The following GABRB3 variants were observed in gnomAD, a reference collection of about 807,000 sequenced individuals.
GABRB3 encodes gamma-aminobutyric acid type A receptor subunit beta3.
A neutral mutation model predicts 52.1 loss-of-function variants in GABRB3; 14 were observed. That is an observed-to-expected ratio of 0.27 (90% CI 0.18 to 0.42). GABRB3 has a LOEUF of 0.42. GABRB3 is among the 10% of genes least tolerant of loss of function. GABRB3 has a pLI of 1.00. For synonymous variants in GABRB3, 260 were observed against 232.3 expected (o/e 1.12, Z -1.08); for missense variants, 307 against 609.1 (o/e 0.50, Z 5.22).
intron 3 of GABRB3, among the ~76,000 whole-genome samples, chr15:26,765,314 C>T (rs1052365892): frequency 6.6e-6 from 1 of 152,132 alleles, no homozygotes; most frequent in East Asian, 1.9e-4. Flanking sequence ...CTTCTTTCTG[C>T]TTTGAAATTA....
intron 3 of GABRB3, among the ~76,000 whole-genome samples, chr15:26,720,575 T>C (rs1889617387): frequency 6.6e-6 from 1 of 152,090 alleles, no homozygotes; most frequent in Non-Finnish European, 1.5e-5. Flanking sequence ...TCTCTTCCCC[T>C]CTCCCCACCA....
At chr15:26,627,369 G>GTTTTTTTTTTTTTTTTTTTTTTTTTTTT (rs1595495364) in intron 3 of GABRB3, among the ~76,000 whole-genome samples, 1 of 147,082 alleles carries the variant, frequency 6.8e-6, no homozygotes, top group African/African-American at 2.5e-5. Context: ...TGACTTTCAA[G>GTTTTTTTTTTTTTTTTTTTTTTTTTTTT]TTTTATTATT....
Position 26,554,176 on chromosome 15 carries a change from G to GTATATATATATATATATATATATATATA in GABRB3, c.1081-6043_1081-6042insTATATATATATATATATATATATATATA, listed in dbSNP as rs71130258. Among the ~76,000 whole-genome samples, 56 of 27,330 alleles carry GTATATATATATATATATATATATATATA rather than the reference G, an allele frequency of 2.0e-3. 1 individual carries two copies. Among genetic ancestry groups the GTATATATATATATATATATATATATATA allele is most frequent in the South Asian group, 5.0e-3 (3 of 606 alleles). The allele number at this position is 27,330 out of a possible 152,430, so 17.9% of individuals were successfully genotyped here. ...TATATATAAAGTATATATATATAAA[G>GTATATATATATATATATATATATATATA]TATATATATATATACTATATATATA... On this transcript the variant is annotated intron_variant, in intron 8 of 8. Coordinates refer to ENST00000311550, the MANE Select transcript of GABRB3 (RefSeq NM_000814.6).
At chr15:26,683,726 C>CG (rs1442550297) in intron 3 of GABRB3, among the ~76,000 whole-genome samples, 10 of 151,808 alleles carry the variant, frequency 6.6e-5, no homozygotes, top group Non-Finnish European at 1.5e-4. Context: ...GGGGCAGGGT[C>CG]GGGGGGAACA....
intron 3 of GABRB3, among the ~76,000 whole-genome samples, chr15:26,643,170 T>C (rs977916679): frequency 4.6e-5 from 7 of 152,164 alleles, no homozygotes; most frequent in Non-Finnish European, 8.8e-5. Context: ...GATTTTATGT[T>C]TCTCCACAAC....
intron 3 of GABRB3, among the ~76,000 whole-genome samples, chr15:26,677,052 G>C (rs1391974232): frequency 6.6e-6 from 1 of 152,168 alleles, no homozygotes; most frequent in Non-Finnish European, 1.5e-5. Flanking sequence ...GATTGAAATG[G>C]TAGCACATGG....
chr15:26,741,123 T>C (rs1167840115), intron 3 of GABRB3, among the ~76,000 whole-genome samples: 1 of 151,832 alleles, frequency 6.6e-6, no homozygotes, highest in African/African-American at 2.4e-5. Context: ...AAAAAATTCC[T>C]ATATGGACTT....
rs1273516978 is a variant in GABRB3 at position 26,544,030 on chromosome 15, T to C, written c.*3763A>G. 1 of 152,554 alleles carries C rather than the reference T, an allele frequency of 6.6e-6. No homozygotes were observed. The highest frequency in any genetic ancestry group is 1.9e-4 in the East Asian group (1 of 5,202). 9.5% of individuals were successfully genotyped at this position (152,554 alleles called of 1,614,324 possible). A position where few individuals can be genotyped will look rare whatever the true frequency, so the allele number is the denominator to read the frequency against. ...ACCTGGGCAGTTCTTTGCCCCAAGA[T>C]TCGATGTTACTCTAATGGCTCACAC... On this transcript the variant is annotated 3_prime_UTR_variant, in exon 9 of 9. Coordinates refer to ENST00000311550, the MANE Select transcript of GABRB3 (RefSeq NM_000814.6).
At chr15:26,761,220 C>G (rs1160651399) in intron 3 of GABRB3, among the ~76,000 whole-genome samples, 2 of 152,080 alleles carry the variant, frequency 1.3e-5, no homozygotes, top group Non-Finnish European at 2.9e-5. Context: ...TAGTGAAACC[C>G]CGTCTCTACT....
intron 8 of GABRB3, among the ~76,000 whole-genome samples, chr15:26,559,136 T>C (rs2140675213): frequency 6.6e-6 from 1 of 152,314 alleles, no homozygotes. Context: ...GGGATTACAA[T>C]TTGACGTGAG....
intron 3 of GABRB3, among the ~76,000 whole-genome samples, chr15:26,643,822 T>C (rs1389489828): frequency 6.6e-6 from 1 of 152,218 alleles, no homozygotes; most frequent in East Asian, 1.9e-4. Flanking sequence ...GTCAGGATCT[T>C]GCTCATAGTC....
intron 5 of GABRB3, among the ~76,000 whole-genome samples, chr15:26,580,919 G>A (rs1483622490): frequency 6.6e-6 from 1 of 152,220 alleles, no homozygotes; most frequent in Non-Finnish European, 1.5e-5. Context: ...GATTACATGA[G>A]GTAAGCTCAG....
intron 3 of GABRB3, chr15:26,624,294 CCA>C: frequency 4.1e-6 from 4 of 985,646 alleles, no homozygotes; most frequent in Non-Finnish European, 4.8e-6. Context: ...GTGGTGGCGA[CCA>C]CAGAGTTTCT....
Position 26,605,995 on chromosome 15 carries a change from G to A in GABRB3, c.461+15319C>T, listed in dbSNP as rs554033216. ...TTACATGGTCAGAACATGGGGAAGA[G>A]AGAGCAAATGGGAAGGTCCCACACA... On this transcript the variant is annotated intron_variant, in intron 4 of 8. Transcript: ENST00000311550. 3.3e-5 allele frequency among the ~76,000 whole-genome samples: 5 copies of A among 152,214 alleles called. No homozygotes were observed. The South Asian group carries it at 1.0e-3, about 32-fold the overall frequency.
intron 4 of GABRB3, among the ~76,000 whole-genome samples, chr15:26,596,213 A>G (rs1266654802): frequency 6.6e-6 from 1 of 152,200 alleles, no homozygotes; most frequent in Non-Finnish European, 1.5e-5. Flanking sequence ...GAATTATGAT[A>G]TAAAGTCAAA....
intron 6 of GABRB3, among the ~76,000 whole-genome samples, chr15:26,574,116 T>C (rs1360335787): frequency 3.9e-5 from 6 of 152,158 alleles, no homozygotes; most frequent in Non-Finnish European, 5.9e-5. Context: ...AGGCTTTGAA[T>C]AGATATTTTT....
intron 3 of GABRB3, among the ~76,000 whole-genome samples, chr15:26,719,278 A>G (rs1889582935): frequency 6.6e-6 from 1 of 152,242 alleles, no homozygotes; most frequent in Non-Finnish European, 1.5e-5. Flanking sequence ...GACCCTGCTC[A>G]GCACGGACTG....
At chr15:26,652,958 C>T (rs1887242927) in intron 3 of GABRB3, among the ~76,000 whole-genome samples, 1 of 152,032 alleles carries the variant, frequency 6.6e-6, no homozygotes. Flanking sequence ...GTTTTGAGTA[C>T]CAAGTAAAAC....
chr15:26,772,660 G>A, intron 2 of GABRB3, 21 bp downstream of exon 2: 2 of 1,546,076 alleles, frequency 1.3e-6, no homozygotes, highest in Non-Finnish European at 1.7e-6. Flanking sequence ...TTCCCGCAAC[G>A]GCCGCGCGCA....
Sources: gnomAD v4.1 joint callset for allele counts (sites outside exome capture counted in the v4.1 genomes callset) on GRCh38, gnomAD v4.1.1 for gene constraint, MANE v1.5 for transcripts, NCBI Gene and HGNC (gene_info 2026-07-23, HGNC 2026-07-21) for gene names.